Variants in COQ3 observed in about 807,000 individuals in gnomAD.
The protein encoded by COQ3 is coenzyme Q3, methyltransferase, also known as ubiquinone biosynthesis O-methyltransferase, mitochondrial.
Under a neutral mutation model 33.1 loss-of-function variants are expected in COQ3, and 29 were observed. That is an observed-to-expected ratio of 0.88 (90% CI 0.65 to 1.19). The LOEUF (loss-of-function observed/expected upper bound fraction) is 1.19, where lower values mean the gene tolerates loss of function less well. Ranked by LOEUF, COQ3 falls within the 50% of genes most tolerant of loss-of-function variation. COQ3 has a pLI of 0.00. For synonymous variants in COQ3, 173 were observed against 157.8 expected (o/e 1.10, Z -0.72); for missense variants, 437 against 430.7 (o/e 1.01, Z -0.13).
intron 3 of COQ3, among the ~76,000 whole-genome samples, chr6:99,378,105 C>CATATAT (rs57039767): frequency 6.4e-5 from 5 of 77,550 alleles, no homozygotes; most frequent in Non-Finnish European, 9.1e-5. Context: ...GTAAACTAAA[C>CATATAT]ATATATATAT....
intron 5 of COQ3, among the ~76,000 whole-genome samples, chr6:99,371,833 T>C (rs541140857): frequency 1.4e-4 from 21 of 152,208 alleles, no homozygotes; most frequent in East Asian, 3.8e-4. Flanking sequence ...TAAGATCATA[T>C]ATAATTATGA....
rs547685661 is a variant in COQ3, at chr6:99,391,107, A to G, written c.106+2967T>C. Reference sequence around the variant, plus strand: ...TATTTATTTATTTATTTATTTATTTATTTATTTATGAGACAGGGTCTCGTT... The same window carrying G: ...TATTTATTTATTTATTTATTTATTTGTTTATTTATGAGACAGGGTCTCGTT... On this transcript the variant is annotated intron_variant, in intron 1 of 6. Transcript: ENST00000254759. Among the ~76,000 whole-genome samples, 263 of 134,178 alleles carry G rather than the reference A, an allele frequency of 2.0e-3. 1 individual carries two copies. Among genetic ancestry groups the G allele is most frequent in the African/African-American group, 6.9e-3 (253 of 36,554 alleles). 88.0% of individuals were successfully genotyped at this position (134,178 alleles called of 152,430 possible).
At position 99,383,954 on chromosome 6, in the gene COQ3, G is replaced by A. The variant is rs537107500; in HGVS notation, c.107-130C>T. On this transcript the variant is annotated intron_variant, in intron 1 of 6. Transcript: ENST00000254759. ...CTTGCTCTGCCACCCAGGTTGGAGT[G>A]TAATGGCACAATCATGGCTCACTGT... The A allele has an allele frequency of 3.3e-5, 21 of 631,246 alleles. No individual in the cohort carries two copies. In the South Asian group the frequency reaches 4.5e-4, roughly 14 times the overall value. 39.1% of individuals were successfully genotyped at this position (631,246 alleles called of 1,614,324 possible). A position where few individuals can be genotyped will look rare whatever the true frequency, so the allele number is the denominator to read the frequency against.
intron 1 of COQ3, among the ~76,000 whole-genome samples, chr6:99,393,511 T>G (rs1361907432): frequency 4.6e-5 from 7 of 152,236 alleles, no homozygotes; most frequent in African/African-American, 1.7e-4. Flanking sequence ...ATGTGAAAGA[T>G]GAGCTTAAGT....
At chr6:99,393,731 T>G (rs1045649399) in intron 1 of COQ3, among the ~76,000 whole-genome samples, 4 of 149,688 alleles carry the variant, frequency 2.7e-5, no homozygotes, top group Non-Finnish European at 5.9e-5. Context: ...CTACGAGGCG[T>G]GAGTTATTCC....
At chr6:99,377,300 T>G in intron 4 of COQ3, 86 bp downstream of exon 4, 1 of 1,055,778 alleles carries the variant, frequency 9.5e-7, no homozygotes, top group Non-Finnish European at 1.5e-6. Context: ...ATGAATAATA[T>G]TATTTGTTGA....
intron 2 of COQ3, chr6:99,382,875 C>A (rs979325825): frequency 2.0e-5 from 3 of 152,200 alleles, no homozygotes; most frequent in African/African-American, 7.2e-5. Flanking sequence ...AGTGCTTGAA[C>A]CTGGAAGGCG....
intron 1 of COQ3, among the ~76,000 whole-genome samples, chr6:99,393,457 G>A (rs747809052): frequency 2.0e-4 from 30 of 152,138 alleles, no homozygotes; most frequent in Middle Eastern, 6.8e-3. Context: ...TAAATTCCCA[G>A]TGCTCATACC....
At chr6:99,390,780 C>T (rs1171774732) in intron 1 of COQ3, among the ~76,000 whole-genome samples, 2 of 152,128 alleles carry the variant, frequency 1.3e-5, no homozygotes, top group Non-Finnish European at 2.9e-5. Context: ...CTACAACCTC[C>T]ACCAAGGTCA....
chr6:99,369,798 C>A lies in COQ3; in HGVS notation c.912G>T (p.Val304=). 6.2e-7 allele frequency: 1 copy of A among 1,607,970 alleles called. No individual in the cohort carries two copies. The highest frequency in any genetic ancestry group is 8.5e-7 in the Non-Finnish European group (1 of 1,176,156). Reference sequence around the variant, plus strand: ...AGAAGGGGTTATAGAGCATTCCTACCACTGTTTGAACTGACAGACCATCTG... The same window carrying A: ...AGAAGGGGTTATAGAGCATTCCTACAACTGTTTGAACTGACAGACCATCTG... The part of the protein sequence containing the change: ...LESNGLSVQT[V]VGMLYNPFSG... The change falls in exon 7 of 7, where the codon GTG becomes GTT. Residue 304 remains valine, a synonymous_variant. Coordinates refer to ENST00000254759, the MANE Select transcript of COQ3 (RefSeq NM_017421.4).
At position 99,377,410 on chromosome 6, in the gene COQ3, G is replaced by A. The variant is rs1774323183; in HGVS notation, c.462C>T (p.Gly154=). ...PLLGMKILDV[G]CGGGLLTEPL... The stretch of plus-strand genomic sequence containing the variant: ...CTTCAGTTAACAGCCCACCACCACA[G>A]CCAACGTCAAGAATCTTCATCCCCA... Residue 154 remains glycine (G), a synonymous_variant, in exon 4 of 7, where the codon GGC becomes GGT. Transcript: ENST00000254759. 5.0e-6 allele frequency: 8 copies of A among 1,613,256 alleles called. No homozygotes were observed. Among genetic ancestry groups the A allele is most frequent in the Non-Finnish European group, 6.8e-6 (8 of 1,179,580 alleles).
At chr6:99,385,601 C>T (rs1366238827) in intron 1 of COQ3, among the ~76,000 whole-genome samples, 2 of 152,098 alleles carry the variant, frequency 1.3e-5, no homozygotes, top group Non-Finnish European at 2.9e-5. Context: ...AAATGTACTA[C>T]ATATAAAAAT....
chr6:99,393,998 C>T lies in COQ3; in HGVS notation c.106+76G>A. 3.9e-6 allele frequency: 5 copies of T among 1,278,192 alleles called. No individual in the cohort carries two copies. The South Asian group carries it at 6.0e-5, about 15-fold the overall frequency. 79.2% of individuals were successfully genotyped at this position (1,278,192 alleles called of 1,614,324 possible). On this transcript the variant is annotated intron_variant, in intron 1 of 6. Coordinates refer to ENST00000254759, the MANE Select transcript of COQ3 (RefSeq NM_017421.4). ...CGAGGTCCAGAGACAACCCACCGCCCCACCCCCGGCGCATGCGCAGAGACG... is the reference window on the plus strand; with the variant it reads ...CGAGGTCCAGAGACAACCCACCGCCTCACCCCCGGCGCATGCGCAGAGACG...
chr6:99,370,060 C>A (rs1198376506), intron 6 of COQ3, among the ~76,000 whole-genome samples: 1 of 152,096 alleles, frequency 6.6e-6, no homozygotes, highest in Non-Finnish European at 1.5e-5. Context: ...ACGCAGTCTG[C>A]CTGGATTCAA....
intron 1 of COQ3, among the ~76,000 whole-genome samples, chr6:99,388,264 G>C (rs1051832647): frequency 6.6e-6 from 1 of 152,152 alleles, no homozygotes; most frequent in Non-Finnish European, 1.5e-5. Flanking sequence ...CAATGAACAA[G>C]TGGAAGGCAA....
intron 1 of COQ3, among the ~76,000 whole-genome samples, chr6:99,385,928 G>T (rs1774635529): frequency 7.2e-6 from 1 of 138,882 alleles, no homozygotes; most frequent in Admixed American, 7.8e-5. Context: ...AGTGAGCCAA[G>T]ATTGCGCCAC....
intron 1 of COQ3, among the ~76,000 whole-genome samples, chr6:99,388,138 T>C (rs890947209): frequency 5.9e-5 from 9 of 151,908 alleles, no homozygotes; most frequent in Non-Finnish European, 1.2e-4. Flanking sequence ...CACTCCAGCC[T>C]GGGCAACAAA....
chr6:99,378,158 T>TA (rs1774360978), intron 3 of COQ3, among the ~76,000 whole-genome samples: 1 of 81,278 alleles, frequency 1.2e-5, no homozygotes. Flanking sequence ...ATATATATAT[T>TA]TAGAGAGAGA....
intron 2 of COQ3, among the ~76,000 whole-genome samples, chr6:99,382,679 C>T (rs1271596839): frequency 2.6e-5 from 4 of 152,120 alleles, no homozygotes; most frequent in Admixed American, 6.5e-5. Flanking sequence ...CAAGGCTGGG[C>T]GCGGTGGCTC....
Sources: gnomAD v4.1 joint callset for allele counts (sites outside exome capture counted in the v4.1 genomes callset) on GRCh38, gnomAD v4.1.1 for gene constraint, MANE v1.5 for transcripts, NCBI Gene and HGNC (gene_info 2026-07-23, HGNC 2026-07-21) for gene names.